The following NEK11 variants were observed in gnomAD, a reference collection of about 807,000 sequenced individuals.
NEK11 encodes serine/threonine-protein kinase Nek11.
A neutral mutation model predicts 80.7 loss-of-function variants in NEK11; 72 were observed. The ratio of observed to expected loss-of-function variants is 0.89; its 90% CI spans 0.74 to 1.08. NEK11 has a LOEUF of 1.08. Among genes scored for constraint, NEK11 ranks in the 50% least tolerant of loss-of-function variants. NEK11 has a pLI of 0.00. For missense variants in NEK11, 764 were observed against 763.6 expected, an observed-to-expected ratio of 1.00 and a Z score of -0.01; for synonymous variants, 251 against 260.7, an observed-to-expected ratio of 0.96 and a Z score of 0.36.
chr3:131,179,790 G>A (rs1273299475), intron 14 of NEK11, among the ~76,000 whole-genome samples: 14 of 151,924 alleles, frequency 9.2e-5, no homozygotes, highest in Admixed American at 5.9e-4. Context: ...TAAAATAGAC[G>A]GCATATCATA....
intron 9 of NEK11, among the ~76,000 whole-genome samples, 161 bp downstream of exon 9, chr3:131,152,870 G>A (rs1345597252): frequency 1.3e-5 from 2 of 152,096 alleles, no homozygotes; most frequent in Non-Finnish European, 2.9e-5. Context: ...TGGATCACGA[G>A]GTCAAGAGAT....
chr3:131,310,365 G>A (rs1341660381), intron 17 of NEK11, among the ~76,000 whole-genome samples: 1 of 152,162 alleles, frequency 6.6e-6, no homozygotes, highest in Non-Finnish European at 1.5e-5. Context: ...TGGACAAGAT[G>A]CAAGGCTCCA....
chr3:131,162,280 T>G, intron 10 of NEK11, 128 bp from the exon 11 acceptor site: 1 of 1,155,550 alleles, frequency 8.7e-7, no homozygotes, highest in South Asian at 1.8e-5. Flanking sequence ...AGCTTATTAG[T>G]TTTTGCCTGG....
intron 17 of NEK11, among the ~76,000 whole-genome samples, chr3:131,301,483 T>G (rs930328678): frequency 6.6e-6 from 1 of 152,052 alleles, no homozygotes. Context: ...AGCTTTTTTT[T>G]TTTGTTCAGT....
chr3:131,240,554 A>C (rs892199423), intron 15 of NEK11, among the ~76,000 whole-genome samples: 1 of 151,210 alleles, frequency 6.6e-6, no homozygotes, highest in Non-Finnish European at 1.5e-5. Flanking sequence ...TTGTTGTTAG[A>C]AACAGGGTTT....
At chr3:131,233,969 T>A (rs780244514) in intron 15 of NEK11, among the ~76,000 whole-genome samples, 16 of 152,222 alleles carry the variant, frequency 1.1e-4, no homozygotes, top group Admixed American at 4.6e-4. Context: ...AGAACTGGAC[T>A]GTATGAATTT....
At chr3:131,096,733 T>A (rs113193276) in intron 4 of NEK11, among the ~76,000 whole-genome samples, 6,164 of 151,788 alleles carry the variant, frequency 0.041, 248 homozygotes, top group African/African-American at 0.11. Flanking sequence ...AATTTAATTT[T>A]ATTTTATTAT....
At chr3:131,326,290 C>G (rs562281485) in intron 17 of NEK11, 1 of 152,328 alleles carries the variant, frequency 6.6e-6, no homozygotes, top group South Asian at 2.1e-4. Context: ...TAACAGAATT[C>G]AAATCATATC....
At chr3:131,322,207 G>A (rs756388055) in intron 17 of NEK11, among the ~76,000 whole-genome samples, 1 of 152,184 alleles carries the variant, frequency 6.6e-6, no homozygotes, top group Non-Finnish European at 1.5e-5. Context: ...GATGCAGCTG[G>A]AGACCATTAT....
intron 5 of NEK11, among the ~76,000 whole-genome samples, chr3:131,121,917 T>C (rs1468193884): frequency 2.0e-5 from 3 of 152,232 alleles, no homozygotes; most frequent in African/African-American, 7.2e-5. Flanking sequence ...GGGAATTCCC[T>C]GACCCCTTGC....
intron 17 of NEK11, among the ~76,000 whole-genome samples, chr3:131,274,612 C>A (rs1368442672): frequency 4.0e-4 from 58 of 145,242 alleles, no homozygotes; most frequent in Middle Eastern, 3.8e-3. Context: ...ACATCCTCTC[C>A]AGCACCTGTT....
chr3:131,146,270 A>G (rs1257718522), intron 7 of NEK11, among the ~76,000 whole-genome samples: 2 of 152,072 alleles, frequency 1.3e-5, no homozygotes, highest in African/African-American at 4.8e-5. Context: ...TTCAGTTTTC[A>G]GATTATTATG....
intron 5 of NEK11, among the ~76,000 whole-genome samples, chr3:131,124,045 C>T (rs530042713): frequency 6.6e-6 from 1 of 152,198 alleles, no homozygotes; most frequent in African/African-American, 2.4e-5. Flanking sequence ...CAGACTTGTC[C>T]TCTTGTGGTT....
At chr3:131,275,213 T>C (rs1419943188) in intron 17 of NEK11, among the ~76,000 whole-genome samples, 2 of 152,108 alleles carry the variant, frequency 1.3e-5, no homozygotes, top group Admixed American at 1.3e-4. Context: ...CTCTCCTTGC[T>C]TGGAGGAGAT....
intron 7 of NEK11, among the ~76,000 whole-genome samples, chr3:131,143,921 C>T (rs1263142406): frequency 1.3e-5 from 2 of 152,008 alleles, no homozygotes; most frequent in African/African-American, 4.8e-5. Context: ...GAACTGATTC[C>T]TCTTTTCTAG....
chr3:131,223,455 G>A (rs1388112142), intron 14 of NEK11, among the ~76,000 whole-genome samples: 2 of 152,164 alleles, frequency 1.3e-5, no homozygotes, highest in Non-Finnish European at 2.9e-5. Context: ...AAGGCTGTCT[G>A]TACACAATGA....
intron 3 of NEK11, among the ~76,000 whole-genome samples, chr3:131,048,422 A>G (rs1349866054): frequency 6.6e-6 from 1 of 152,168 alleles, no homozygotes; most frequent in East Asian, 1.9e-4. Context: ...CTGTGAGACA[A>G]AGTCAGAAAC....
At chr3:131,207,004 T>C (rs1005232478) in intron 14 of NEK11, among the ~76,000 whole-genome samples, 1 of 152,216 alleles carries the variant, frequency 6.6e-6, no homozygotes, top group African/African-American at 2.4e-5. Flanking sequence ...ACTCATCATT[T>C]TTTATGGCTG....
chr3:131,228,698 G>C lies in NEK11; in HGVS notation c.1560+10G>C. Reference sequence around the variant, plus strand: ...CAGAACAAACCAACAGGTATGTAATGCTCCCTGTCGGAAGCCATGGAACTG... The same window carrying C: ...CAGAACAAACCAACAGGTATGTAATCCTCCCTGTCGGAAGCCATGGAACTG... On this transcript the variant is annotated intron_variant, in intron 15 of 17. Coordinates refer to ENST00000383366, the MANE Select transcript of NEK11 (RefSeq NM_024800.5). 1 of 1,609,522 alleles carries C rather than the reference G, an allele frequency of 6.2e-7. No homozygotes were observed. Among genetic ancestry groups the C allele is most frequent in the Non-Finnish European group, 8.5e-7 (1 of 1,177,634 alleles).
Sources: allele counts gnomAD v4.1 joint callset (sites outside exome capture counted in the v4.1 genomes callset), GRCh38; gene constraint gnomAD v4.1.1; transcripts MANE v1.5; gene names NCBI Gene and HGNC (gene_info 2026-07-23, HGNC 2026-07-21).